COL1A2: variants seen among roughly 807,000 people sequenced by gnomAD.
COL1A2 encodes the protein collagen type I alpha 2 chain, also known as collagen alpha-2(I) chain.
Under a neutral mutation model 174.3 loss-of-function variants are expected in COL1A2, and 49 were observed. The observed-to-expected ratio is 0.28, with a 90% CI of 0.22 to 0.36. The LOEUF (loss-of-function observed/expected upper bound fraction) is 0.36, where lower values mean the gene tolerates loss of function less well. Among genes scored for constraint, COL1A2 ranks in the 10% least tolerant of loss-of-function variants. COL1A2 has a pLI of 1.00. For missense variants in COL1A2, 1,438 were observed against 1,822.7 expected, an observed-to-expected ratio of 0.79 and a Z score of 3.84; for synonymous variants, 655 against 606.6, an observed-to-expected ratio of 1.08 and a Z score of -1.17.
Position 94,409,761 on chromosome 7 carries a change from A to T in COL1A2, c.975A>T (p.Gly325=), listed in dbSNP as rs148063325. The change falls in exon 19 of 52, where the codon GGA becomes GGT. Residue 325 remains glycine, a synonymous_variant. Transcript: ENST00000297268. ...PGVAGAPGLP[G]PRGIPGPVGA... is the part of the protein sequence containing the mutation. ...TTGCTGGGGCTCCCGGCCTCCCTGG[A>T]CCCCGCGGTATTCCTGGCCCTGTTG... The T allele has an allele frequency of 5.9e-4, 955 of 1,613,918 alleles. 4 individuals are homozygous for T. The African/African-American group carries it at 0.011, about 19-fold the overall frequency.
intron 39 of COL1A2, 119 bp downstream of exon 39, chr7:94,422,071 C>T: frequency 1.3e-6 from 1 of 793,102 alleles, no homozygotes; most frequent in Admixed American, 2.5e-5. Flanking sequence ...TATTACTCTC[C>T]TGGTCTGAAG....
chr7:94,425,912 G>A (rs925005438), intron 44 of COL1A2, 55 bp downstream of exon 44: 2 of 1,604,218 alleles, frequency 1.2e-6, no homozygotes, highest in African/African-American at 2.7e-5. Flanking sequence ...CTTCACTTCT[G>A]ACTTCCCCAC....
intron 28 of COL1A2, 71 bp from the exon 29 acceptor site, chr7:94,414,151 C>G: frequency 6.5e-7 from 1 of 1,546,664 alleles, no homozygotes; most frequent in Non-Finnish European, 8.9e-7. Context: ...CCACCACCCC[C>G]AAACTCAATT....
At chr7:94,420,175 A>T (rs917825121) in intron 34 of COL1A2, 58 bp from the exon 35 acceptor site, 56 of 1,607,988 alleles carry the variant, frequency 3.5e-5, no homozygotes, top group Non-Finnish European at 4.7e-5. Flanking sequence ...TCTCCCTCCC[A>T]GTTCTTTGAG....
chr7:94,399,108 G>A lies in COL1A2; in HGVS notation c.132+24G>A, dbSNP rs752654072. 8.1e-6 allele frequency: 13 copies of A among 1,609,712 alleles called. No individual in the cohort carries two copies. The East Asian group carries it at 2.7e-4, about 33-fold the overall frequency. ...GGGTGTGTAATTTTTGAACTATAAAGGGCTTCGTCCCGTATTTGAATAACT... is the reference window on the plus strand; with the variant it reads ...GGGTGTGTAATTTTTGAACTATAAAAGGCTTCGTCCCGTATTTGAATAACT... On this transcript the variant is annotated intron_variant, in intron 4 of 51. Coordinates refer to ENST00000297268, the MANE Select transcript of COL1A2 (RefSeq NM_000089.4).
intron 23 of COL1A2, among the ~76,000 whole-genome samples, chr7:94,411,828 A>G (rs964081872): frequency 1.3e-5 from 2 of 152,236 alleles, no homozygotes; most frequent in Admixed American, 6.5e-5. Flanking sequence ...GTTTCTTGAG[A>G]TATCTATAAA....
At chr7:94,427,498 G>A in intron 48 of COL1A2, 129 bp from the exon 49 acceptor site, 8 of 1,239,262 alleles carry the variant, frequency 6.5e-6, no homozygotes, top group Non-Finnish European at 9.3e-6. Flanking sequence ...ATTTATTTAT[G>A]TGAACTTGAT....
chr7:94,397,756 GA>G lies in COL1A2; in HGVS notation c.80del (p.Glu27GlyfsTer4). ...LCLATCQSLQ[E>X]ETVRKGPAGD... ...CTTTTTTTTTTCTACAGCTTTACAAGAGGTGAGTAAAACTTTTTTTAGAATT... is the reference window on the plus strand; with the variant it reads ...CTTTTTTTTTTCTACAGCTTTACAAGGGTGAGTAAAACTTTTTTTAGAATT... On this transcript the variant is annotated frameshift_variant and splice_region_variant, in exon 2 of 52. Coordinates refer to ENST00000297268, the MANE Select transcript of COL1A2 (RefSeq NM_000089.4). LOFTEE classifies it high-confidence loss of function. 1 of 1,298,090 alleles carries G rather than the reference GA, an allele frequency of 7.7e-7. No homozygotes were observed. The highest frequency in any genetic ancestry group is 1.2e-5 in the South Asian group (1 of 80,984). The allele number at this position is 1,298,090 out of a possible 1,614,324, so 80.4% of individuals were successfully genotyped here.
intron 33 of COL1A2, 157 bp from the exon 34 acceptor site, chr7:94,419,341 A>T: frequency 1.2e-6 from 1 of 811,494 alleles, no homozygotes; most frequent in Non-Finnish European, 2.1e-6. Flanking sequence ...TAGTCTTGTT[A>T]ATTAGAACCA....
At position 94,394,925 on chromosome 7, in the gene COL1A2, G is replaced by A. The variant is rs772812973; in HGVS notation, c.-107G>A. On this transcript the variant is annotated 5_prime_UTR_variant, in exon 1 of 52. Transcript: ENST00000297268. ...CACGGCAGCAGGAGGTTTCGGCTAAGTTGGAGGTACTGGCCACGACTGCAT... is the reference window on the plus strand; with the variant it reads ...CACGGCAGCAGGAGGTTTCGGCTAAATTGGAGGTACTGGCCACGACTGCAT... 6.3e-5 allele frequency: 55 copies of A among 875,454 alleles called. No homozygotes were observed. The highest frequency in any genetic ancestry group is 9.6e-5 in the Non-Finnish European group (49 of 510,412). 54.2% of individuals were successfully genotyped at this position (875,454 alleles called of 1,614,324 possible).
intron 41 of COL1A2, 89 bp downstream of exon 41, chr7:94,424,532 A>T: frequency 8.6e-7 from 1 of 1,167,940 alleles, no homozygotes; most frequent in South Asian, 1.2e-5. Flanking sequence ...ATCACTGAAT[A>T]ACTTCACTTA....
chr7:94,416,869 T>G, intron 31 of COL1A2: 1 of 190,662 alleles, frequency 5.2e-6, no homozygotes, highest in Non-Finnish European at 1.1e-5. Context: ...TAGAGTAAAA[T>G]TTCAACAAGT....
intron 10 of COL1A2, 41 bp downstream of exon 10, chr7:94,405,293 G>A (rs1562899181): frequency 1.3e-6 from 2 of 1,578,764 alleles, no homozygotes; most frequent in East Asian, 2.2e-5. Flanking sequence ...AACATCATAG[G>A]CCTATAAGAT....
At chr7:94,395,467 C>A in intron 1 of COL1A2, 1 of 357,228 alleles carries the variant, frequency 2.8e-6, no homozygotes, top group Non-Finnish European at 5.4e-6. Context: ...GCCCCATAAC[C>A]GCACTGATGT....
At chr7:94,413,270 T>C in intron 26 of COL1A2, 134 bp downstream of exon 26, 1 of 910,130 alleles carries the variant, frequency 1.1e-6, no homozygotes, top group Non-Finnish European at 1.8e-6. Context: ...TTTACTATCA[T>C]AAAATGCCTT....
chr7:94,406,823 GT>G (rs1791810390), intron 12 of COL1A2, among the ~76,000 whole-genome samples: 1 of 152,108 alleles, frequency 6.6e-6, no homozygotes. Flanking sequence ...CTCTGACAGC[GT>G]TTTCAACTAT....
Position 94,404,559 on chromosome 7 carries a change from T to C in COL1A2, c.283T>C (p.Leu95=). The C allele has an allele frequency of 1.2e-6, 2 of 1,613,278 alleles. No individual in the cohort carries two copies. Among genetic ancestry groups the C allele is most frequent in the South Asian group, 2.2e-5 (2 of 91,050 alleles). ...GVGLGPGPMG[L]MGPRGPPGAA... ...GATATATCTGCTTTCTTTACAGGGC[T>C]TAATGGGACCTAGAGGCCCACCTGG... Residue 95 remains leucine, a synonymous_variant, in exon 7 of 52, where the codon TTA becomes CTA. Transcript: ENST00000297268.
intron 20 of COL1A2, 27 bp downstream of exon 20, chr7:94,410,322 A>G (rs1393799907): frequency 3.7e-6 from 6 of 1,613,426 alleles, no homozygotes; most frequent in South Asian, 1.1e-5. Flanking sequence ...TCACACTTTT[A>G]TAAAGTTAAT....
At chr7:94,397,861 C>T in intron 2 of COL1A2, 103 bp downstream of exon 2, 1 of 680,340 alleles carries the variant, frequency 1.5e-6, no homozygotes, top group East Asian at 2.7e-5. Context: ...ATTGACCATC[C>T]TAGATTCCCA....
Sources: allele counts gnomAD v4.1 joint callset (sites outside exome capture counted in the v4.1 genomes callset), GRCh38; gene constraint gnomAD v4.1.1; transcripts MANE v1.5; gene names NCBI Gene and HGNC (gene_info 2026-07-23, HGNC 2026-07-21).